GDAP1: variants seen among roughly 807,000 people sequenced by gnomAD.
GDAP1 encodes ganglioside induced differentiation associated protein 1, also known as ganglioside-induced differentiation-associated protein 1.
Under a neutral mutation model 40.1 loss-of-function variants are expected in GDAP1, and 34 were observed. That is an observed-to-expected ratio of 0.85 (90% CI 0.64 to 1.13). The LOEUF (loss-of-function observed/expected upper bound fraction) is 1.13. GDAP1 is among the 50% of genes most tolerant of loss of function. GDAP1 has a pLI of 0.00. For synonymous variants in GDAP1, 170 were observed against 157.4 expected (o/e 1.08, Z -0.60); for missense variants, 374 against 433.7 (o/e 0.86, Z 1.22).
chr8:74,399,656 G>T, intron 2 of GDAP1, among the ~76,000 whole-genome samples: 1 of 130,624 alleles, frequency 7.7e-6, no homozygotes, highest in Non-Finnish European at 1.5e-5. Context: ...TGTCAATTTT[G>T]GATCTTTCCT....
chr8:74,376,506 G>A (rs1426715857), intron 2 of GDAP1, among the ~76,000 whole-genome samples: 4 of 152,058 alleles, frequency 2.6e-5, no homozygotes, highest in Non-Finnish European at 5.9e-5. Context: ...CCGCCACCAA[G>A]CCCGGCTAAT....
At chr8:74,351,229 T>C (rs767639298) in intron 1 of GDAP1, 45 bp from the exon 2 acceptor site, 1 of 1,518,438 alleles carries the variant, frequency 6.6e-7, no homozygotes, top group Non-Finnish European at 9.2e-7. Context: ...AGTCATTTAA[T>C]TGAAAGCTTA....
At chr8:74,473,313 G>A (rs905101650) in intron 2 of GDAP1, among the ~76,000 whole-genome samples, 11 of 152,026 alleles carry the variant, frequency 7.2e-5, no homozygotes, top group Non-Finnish European at 1.3e-4. Flanking sequence ...GATACCATTT[G>A]TCAATTTTTG....
chr8:74,421,211 G>T (rs1455221924), intron 2 of GDAP1, among the ~76,000 whole-genome samples: 1 of 152,114 alleles, frequency 6.6e-6, no homozygotes, highest in Non-Finnish European at 1.5e-5. Context: ...AATAAACCTT[G>T]CCCTAAAATG....
intron 2 of GDAP1, among the ~76,000 whole-genome samples, chr8:74,415,186 A>G (rs1805762890): frequency 6.7e-6 from 1 of 150,364 alleles, no homozygotes; most frequent in African/African-American, 2.5e-5. Flanking sequence ...TGATACCAGA[A>G]GAAAACTTGA....
chr8:74,485,895 T>C (rs1230111535), intron 2 of GDAP1, among the ~76,000 whole-genome samples: 1 of 152,114 alleles, frequency 6.6e-6, no homozygotes, highest in Non-Finnish European at 1.5e-5. Context: ...TGAGGAAACA[T>C]GGCAACAGTG....
At chr8:74,473,683 T>G (rs926429739) in intron 2 of GDAP1, among the ~76,000 whole-genome samples, 6 of 152,228 alleles carry the variant, frequency 3.9e-5, no homozygotes, top group Non-Finnish European at 8.8e-5. Flanking sequence ...TTTGTACCAC[T>G]GCCATGCTGT....
At chr8:74,382,552 C>T (rs1022485735) in intron 2 of GDAP1, among the ~76,000 whole-genome samples, 7 of 151,926 alleles carry the variant, frequency 4.6e-5, no homozygotes, top group African/African-American at 1.5e-4. Flanking sequence ...TATTGAGTAA[C>T]GTGCTTGGAA....
intron 2 of GDAP1, among the ~76,000 whole-genome samples, chr8:74,408,776 T>C (rs1805672308): frequency 1.3e-5 from 2 of 150,190 alleles, no homozygotes; most frequent in Non-Finnish European, 2.9e-5. Context: ...TCTCGACTTA[T>C]TGGTTAATGA....
intron 2 of GDAP1, among the ~76,000 whole-genome samples, chr8:74,383,156 C>G (rs1336364425): frequency 6.6e-6 from 1 of 152,158 alleles, no homozygotes; most frequent in East Asian, 1.9e-4. Context: ...TGTTTGCATA[C>G]AAACTTATTT....
chr8:74,384,693 T>G (rs1322743097), intron 2 of GDAP1, among the ~76,000 whole-genome samples: 1 of 152,158 alleles, frequency 6.6e-6, no homozygotes, highest in Non-Finnish European at 1.5e-5. Context: ...CTACAAAAAT[T>G]CAATATAACT....
At chr8:74,379,774 G>A (rs747937891) in intron 2 of GDAP1, among the ~76,000 whole-genome samples, 3 of 152,082 alleles carry the variant, frequency 2.0e-5, no homozygotes, top group East Asian at 1.9e-4. Flanking sequence ...CTTGGATAGA[G>A]GTTAGTAGGA....
intron 2 of GDAP1, among the ~76,000 whole-genome samples, chr8:74,378,486 T>C (rs1324021630): frequency 1.3e-5 from 2 of 152,186 alleles, no homozygotes; most frequent in African/African-American, 4.8e-5. Context: ...GAACCCACAC[T>C]TCTTGCTTGA....
At chr8:74,475,478 T>C (rs1417178163) in intron 2 of GDAP1, among the ~76,000 whole-genome samples, 2 of 152,228 alleles carry the variant, frequency 1.3e-5, no homozygotes. Context: ...TTTTGGTATA[T>C]TGTATCTTTG....
chr8:74,392,528 T>C (rs558670447), intron 2 of GDAP1, among the ~76,000 whole-genome samples: 1 of 152,366 alleles, frequency 6.6e-6, no homozygotes, highest in African/African-American at 2.4e-5. Context: ...TAATATCATC[T>C]ACATTTTAGC....
intron 2 of GDAP1, among the ~76,000 whole-genome samples, chr8:74,404,975 C>G (rs1051747587): frequency 6.7e-6 from 1 of 149,844 alleles, no homozygotes; most frequent in Admixed American, 6.6e-5. Context: ...CTTATAATAC[C>G]TAATACAATG....
chr8:74,376,392 A>G (rs1241314510), intron 2 of GDAP1, among the ~76,000 whole-genome samples: 1 of 132,354 alleles, frequency 7.6e-6, no homozygotes, highest in African/African-American at 2.9e-5. Flanking sequence ...TCTGTTGCCC[A>G]GGCTGGAGTG....
In GDAP1 at chr8:74,365,045, A is replaced by G; in HGVS notation, c.*678A>G. 2.2e-6 allele frequency: 1 copy of G among 454,066 alleles called. No individual in the cohort carries two copies. Among genetic ancestry groups the G allele is most frequent in the South Asian group, 1.6e-5 (1 of 64,460 alleles). 28.1% of individuals were successfully genotyped at this position (454,066 alleles called of 1,614,324 possible). On this transcript the variant is annotated 3_prime_UTR_variant, in exon 6 of 6. Transcript: ENST00000220822. ...CTGTTTTAGATGGTGCCTGTGAGAT[A>G]CCATTCCTCTGGATGGTCATGTCCA...
intron 2 of GDAP1, among the ~76,000 whole-genome samples, chr8:74,420,640 T>A (rs1805844538): frequency 6.6e-6 from 1 of 152,186 alleles, no homozygotes; most frequent in Non-Finnish European, 1.5e-5. Flanking sequence ...ACCTACTTCA[T>A]TTCTTCCTTA....
Sources: gnomAD v4.1 joint callset for allele counts (sites outside exome capture counted in the v4.1 genomes callset) on GRCh38, gnomAD v4.1.1 for gene constraint, MANE v1.5 for transcripts, NCBI Gene and HGNC (gene_info 2026-07-23, HGNC 2026-07-21) for gene names.